The following ATP8A1 variants were observed in gnomAD, a reference collection of about 807,000 sequenced individuals.
ATP8A1 encodes phospholipid-transporting ATPase IA.
In ATP8A1, 90 loss-of-function variants were observed where a neutral mutation model predicts 177.7. The observed-to-expected ratio is 0.51, with a 90% CI of 0.43 to 0.60. The LOEUF is 0.60. Ranked by LOEUF, ATP8A1 falls within the 20% of genes least tolerant of loss-of-function variation. The pLI is 0.00. For synonymous variants in ATP8A1, 493 were observed against 485.9 expected (o/e 1.01, Z -0.19); for missense variants, 1,072 against 1,392.8 (o/e 0.77, Z 3.67).
At chr4:42,605,630 T>G (rs1735723571) in intron 5 of ATP8A1, among the ~76,000 whole-genome samples, 1 of 152,150 alleles carries the variant, frequency 6.6e-6, no homozygotes, top group African/African-American at 2.4e-5. Context: ...GCTTGACGCC[T>G]CCATCTTCTG....
intron 14 of ATP8A1, among the ~76,000 whole-genome samples, chr4:42,570,767 A>AT (rs1342122188): frequency 6.6e-6 from 1 of 152,210 alleles, no homozygotes; most frequent in East Asian, 1.9e-4. Context: ...TGCCAGTGCT[A>AT]TAACATCTAC....
At chr4:42,462,820 C>T (rs10805103) in intron 27 of ATP8A1, among the ~76,000 whole-genome samples, 56,494 of 152,074 alleles carry the variant, frequency 0.37, 10,779 homozygotes, top group Admixed American at 0.45. Context: ...CGGGGCAGAG[C>T]GGCCCAAGAC....
rs2153167895 is a variant in ATP8A1, at chr4:42,422,848, C to T, written c.3264G>A (p.Glu1088=). 3 of 1,612,916 alleles carry T rather than the reference C, an allele frequency of 1.9e-6. No homozygotes were observed. Among genetic ancestry groups the T allele is most frequent in the Non-Finnish European group, 2.5e-6 (3 of 1,179,800 alleles). The stretch of plus-strand genomic sequence containing the variant: ...CTGCTCCTGGGTCTTGAGATTTTGC[C>T]TCCAGCTCCTGAACTTCATCGACCA... ...KTLVDEVQEL[E]AKSQDPGAVV... Residue 1088 remains glutamate (E), a synonymous_variant, in exon 35 of 37, where the codon GAG becomes GAA. Transcript: ENST00000381668.
At chr4:42,520,300 G>A (rs1304322081) in intron 22 of ATP8A1, among the ~76,000 whole-genome samples, 4 of 151,516 alleles carry the variant, frequency 2.6e-5, no homozygotes, top group African/African-American at 9.7e-5. Flanking sequence ...GGATTATAAG[G>A]CAAGGCAAGG....
At chr4:42,656,788 G>A (rs1376570425) in intron 1 of ATP8A1, 37 bp downstream of exon 1, 4 of 1,523,124 alleles carry the variant, frequency 2.6e-6, no homozygotes, top group Non-Finnish European at 3.5e-6. Flanking sequence ...CTCGCTTCCC[G>A]ACCCCGGGCT....
At chr4:42,449,817 T>C (rs1203275511) in intron 30 of ATP8A1, among the ~76,000 whole-genome samples, 2 of 152,230 alleles carry the variant, frequency 1.3e-5, no homozygotes, top group African/African-American at 2.4e-5. Context: ...ATGATGGATC[T>C]AGGAACTGCT....
chr4:42,472,617 G>A (rs1037272736), intron 25 of ATP8A1, among the ~76,000 whole-genome samples: 1 of 151,896 alleles, frequency 6.6e-6, no homozygotes, highest in Non-Finnish European at 1.5e-5. Context: ...GGTGATGTGC[G>A]CCCATAATCC....
At chr4:42,634,642 G>A (rs1158142583) in intron 1 of ATP8A1, among the ~76,000 whole-genome samples, 1 of 152,168 alleles carries the variant, frequency 6.6e-6, no homozygotes, top group African/African-American at 2.4e-5. Context: ...CTTTAGACAA[G>A]ATAATTAACC....
chr4:42,651,660 G>A (rs962016307), intron 1 of ATP8A1, among the ~76,000 whole-genome samples: 1 of 152,158 alleles, frequency 6.6e-6, no homozygotes, highest in Non-Finnish European at 1.5e-5. Flanking sequence ...GGTGCTTTCT[G>A]AAAAACCTGT....
At chr4:42,452,639 A>C (rs1178404081) in intron 29 of ATP8A1, among the ~76,000 whole-genome samples, 1 of 152,252 alleles carries the variant, frequency 6.6e-6, no homozygotes, top group African/African-American at 2.4e-5. Context: ...TAACAGTGTT[A>C]ATACCAAGTT....
chr4:42,575,225 T>C (rs1577622344), intron 13 of ATP8A1, among the ~76,000 whole-genome samples: 1 of 152,242 alleles, frequency 6.6e-6, no homozygotes, highest in South Asian at 2.1e-4. Context: ...TATGTGAATA[T>C]AGTATGAATT....
rs1712530065 is a variant in ATP8A1, at chr4:42,410,959, G to GT, written c.*1956dup. The GT allele has an allele frequency of 6.6e-6, 1 of 152,054 alleles. No individual in the cohort carries two copies. Among genetic ancestry groups the GT allele is most frequent in the Non-Finnish European group, 1.5e-5 (1 of 68,020 alleles). The allele number at this position is 152,054 out of a possible 1,614,324, so 9.4% of individuals were successfully genotyped here. The stretch of plus-strand genomic sequence containing the variant: ...CACTCTTGCTTTCTTATTTTTTGTG[G>GT]TTTGACCTCAGCTATCACCACTGGG... On this transcript the variant is annotated 3_prime_UTR_variant, in exon 37 of 37. Coordinates refer to ENST00000381668, the MANE Select transcript of ATP8A1 (RefSeq NM_006095.2).
At chr4:42,597,118 C>T (rs9995629) in intron 6 of ATP8A1, among the ~76,000 whole-genome samples, 70 of 152,130 alleles carry the variant, frequency 4.6e-4, no homozygotes, top group African/African-American at 1.6e-3. Context: ...GCATGCTAGG[C>T]AAATTTGTAG....
At chr4:42,650,781 T>A (rs1741013084) in intron 1 of ATP8A1, among the ~76,000 whole-genome samples, 1 of 152,164 alleles carries the variant, frequency 6.6e-6, no homozygotes, top group Admixed American at 6.5e-5. Context: ...TGTGTGTGCA[T>A]TTCTTTAGTT....
chr4:42,555,139 A>ATCTATCTTATCTATCT lies in ATP8A1; in HGVS notation c.1413+828_1413+829insAGATAGATAAGATAGA, dbSNP rs1553903246. Among the ~76,000 whole-genome samples, 18 of 59,558 alleles carry ATCTATCTTATCTATCT rather than the reference A, an allele frequency of 3.0e-4. 2 individuals are homozygous for ATCTATCTTATCTATCT. The highest frequency in any genetic ancestry group is 5.3e-4 in the South Asian group (1 of 1,886). The allele number at this position is 59,558 out of a possible 152,430, so 39.1% of individuals were successfully genotyped here. On this transcript the variant is annotated intron_variant, in intron 16 of 36. Coordinates refer to ENST00000381668, the MANE Select transcript of ATP8A1 (RefSeq NM_006095.2). ...TATCTATCTATCTATCTATCTATCTAATCTATCTATCTATCTATCTATCTA... is the reference window on the plus strand; with the variant it reads ...TATCTATCTATCTATCTATCTATCTATCTATCTTATCTATCTATCTATCTATCTATCTATCTATCTA...
chr4:42,412,614 A>G lies in ATP8A1; in HGVS notation c.*302T>C. ...TCAGTTACAGCCCCACAGTAATGGC[A>G]TAAGAATACTGACTTATTCTCCGTT... On this transcript the variant is annotated 3_prime_UTR_variant, in exon 37 of 37. Coordinates refer to ENST00000381668, the MANE Select transcript of ATP8A1 (RefSeq NM_006095.2). 1 of 232,532 alleles carries G rather than the reference A, an allele frequency of 4.3e-6. No individual in the cohort carries two copies. Among genetic ancestry groups the G allele is most frequent in the Non-Finnish European group, 8.3e-6 (1 of 119,876 alleles). The allele number at this position is 232,532 out of a possible 1,614,324, so 14.4% of individuals were successfully genotyped here. A position where few individuals can be genotyped will look rare whatever the true frequency, so the allele number is the denominator to read the frequency against.
At chr4:42,511,236 A>G (rs1724972031) in intron 22 of ATP8A1, among the ~76,000 whole-genome samples, 1 of 152,204 alleles carries the variant, frequency 6.6e-6, no homozygotes, top group South Asian at 2.1e-4. Context: ...ATTGTTAGCT[A>G]TATAATGATC....
At chr4:42,555,932 T>A in intron 16 of ATP8A1, 36 bp downstream of exon 16, 1 of 1,419,776 alleles carries the variant, frequency 7.0e-7, no homozygotes, top group Non-Finnish European at 9.9e-7. Flanking sequence ...TAGTTTTTAT[T>A]CACTAACAAA....
At chr4:42,528,371 TGCC>T (rs200804394) in intron 20 of ATP8A1, among the ~76,000 whole-genome samples, 2,925 of 152,272 alleles carry the variant, frequency 0.019, 45 homozygotes, top group Non-Finnish European at 0.027. Flanking sequence ...CAGAGATTAG[TGCC>T]ACCATCAAGG....
Sources: allele counts gnomAD v4.1 joint callset (sites outside exome capture counted in the v4.1 genomes callset), GRCh38; gene constraint gnomAD v4.1.1; transcripts MANE v1.5; gene names NCBI Gene and HGNC (gene_info 2026-07-23, HGNC 2026-07-21).